The following BYSL variants were observed in gnomAD, a reference collection of about 807,000 sequenced individuals.
BYSL encodes bystin.
A neutral mutation model predicts 45.4 loss-of-function variants in BYSL; 21 were observed. The ratio of observed to expected loss-of-function variants is 0.46; its 90% CI spans 0.33 to 0.67. The LOEUF (loss-of-function observed/expected upper bound fraction) is 0.67, where lower values mean the gene tolerates loss of function less well. BYSL is among the 30% of genes least tolerant of loss of function. The pLI, the probability that BYSL is intolerant of heterozygous loss-of-function variation, is 0.02. For missense variants in BYSL, 522 were observed against 578.5 expected, an observed-to-expected ratio of 0.90 and a Z score of 1.00; for synonymous variants, 215 against 231.3, an observed-to-expected ratio of 0.93 and a Z score of 0.64.
At chr6:41,926,574 C>A (rs1424859361) in intron 1 of BYSL, among the ~76,000 whole-genome samples, 1 of 151,746 alleles carries the variant, frequency 6.6e-6, no homozygotes. Context: ...CCTCAGCCTT[C>A]CAAATAGCTG....
upstream of BYSL, chr6:41,916,934 GACAC>G (rs769230044): frequency 6.2e-7 from 1 of 1,613,938 alleles, no homozygotes; most frequent in Non-Finnish European, 8.5e-7. Context: ...AGGCATCTGG[GACAC>G]ACTGGAAAGG....
At chr6:41,929,379 T>G (rs1413829734) in intron 2 of BYSL, among the ~76,000 whole-genome samples, 2 of 152,146 alleles carry the variant, frequency 1.3e-5, no homozygotes, top group Non-Finnish European at 2.9e-5. Flanking sequence ...GTTCCTGTGG[T>G]CCCAGCTACT....
intron 1 of BYSL, 95 bp from the exon 2 acceptor site, chr6:41,927,277 CAT>C: frequency 7.0e-7 from 1 of 1,436,396 alleles, no homozygotes; most frequent in East Asian, 2.3e-5. Context: ...ATCACAACCA[CAT>C]GTGAGGCCTG....
At chr6:41,916,982 C>T (rs773328304), upstream of BYSL, 15 of 1,608,810 alleles carry the variant, frequency 9.3e-6, no homozygotes, top group African/African-American at 5.3e-5. Context: ...CAGAGACACA[C>T]GTGTGCTCAC....
chr6:41,909,476 T>A, the BYSL span: 2 of 1,614,270 alleles, frequency 1.2e-6, no homozygotes, highest in Non-Finnish European at 1.7e-6. Flanking sequence ...AACAGCTCAA[T>A]GGGTACTCTG....
intron 1 of BYSL, among the ~76,000 whole-genome samples, chr6:41,926,696 G>A (rs1048290727): frequency 2.6e-4 from 39 of 150,758 alleles, no homozygotes; most frequent in African/African-American, 5.9e-4. Context: ...TGATCTGCCC[G>A]CCTCGGCCTC....
chr6:41,923,236 G>A (rs936661697), intron 1 of BYSL, among the ~76,000 whole-genome samples: 10 of 151,824 alleles, frequency 6.6e-5, no homozygotes, highest in African/African-American at 2.4e-4. Flanking sequence ...CAATCTCCTG[G>A]GCTCCAGTCG....
chr6:41,916,715 C>A, upstream of BYSL: 1 of 1,570,830 alleles, frequency 6.4e-7, no homozygotes, highest in Admixed American at 1.8e-5. Context: ...AGCAGAAAGA[C>A]TTCAATTAAC....
intron 1 of BYSL, among the ~76,000 whole-genome samples, chr6:41,926,726 G>C (rs13191980): frequency 1.3e-5 from 2 of 150,756 alleles, no homozygotes; most frequent in Non-Finnish European, 3.0e-5. Flanking sequence ...TGGGATTACA[G>C]GCGTGAGCCA....
upstream of BYSL, chr6:41,921,086 A>G: frequency 6.3e-7 from 1 of 1,596,194 alleles, no homozygotes; most frequent in Admixed American, 1.7e-5. Flanking sequence ...GCCCACAGAA[A>G]CTCCTTCAGT....
rs769636909 is a variant in BYSL at position 41,921,584 on chromosome 6, C to T, written c.22C>T (p.Arg8Cys). The T allele has an allele frequency of 1.9e-6, 3 of 1,584,286 alleles. No homozygotes were observed. The highest frequency in any genetic ancestry group is 2.6e-6 in the Non-Finnish European group (3 of 1,163,722). Residue 8 changes from arginine (R) to cysteine (C), a missense_variant, in exon 1 of 7, where the codon CGT (arginine) becomes TGT (cysteine). By Grantham distance (180) the Arg-to-Cys change is radical. Coordinates refer to ENST00000230340, the MANE Select transcript of BYSL (RefSeq NM_004053.4). Reference sequence around the variant, plus strand: ...AAAAATGCCCAAATTCAAGGCGGCCCGTGGGGTGGGGGGTCAGGAAAAACA... The same window carrying T: ...AAAAATGCCCAAATTCAAGGCGGCCTGTGGGGTGGGGGGTCAGGAAAAACA... MPKFKAARGVGGQEKHAP... is the reference protein window; with the variant it reads MPKFKAACGVGGQEKHAP...
At chr6:41,920,491 C>T, upstream of BYSL, among the ~76,000 whole-genome samples, 1 of 152,204 alleles carries the variant, frequency 6.6e-6, no homozygotes, top group East Asian at 1.9e-4. Context: ...GTACTATGGC[C>T]TCACGGGAAG....
the BYSL span, among the ~76,000 whole-genome samples, chr6:41,916,321 T>C: frequency 2.0e-5 from 3 of 152,034 alleles, no homozygotes; most frequent in Admixed American, 2.0e-4. Flanking sequence ...GGCTCACGCC[T>C]GTAATCCCAG....
chr6:41,916,300 C>T, the BYSL span, among the ~76,000 whole-genome samples: 1 of 148,080 alleles, frequency 6.8e-6, no homozygotes, highest in African/African-American at 2.6e-5. Context: ...AATAAAGTGG[C>T]CGGGCACAGT....
At position 41,930,642 on chromosome 6, in the gene BYSL, C is replaced by A; in HGVS notation, c.578C>A (p.Ser193Tyr). The change falls in exon 4 of 7, where the codon TCT becomes TAT. Residue 193 changes from serine (S) to tyrosine (Y), a missense_variant. Ser to Tyr is a moderately radical substitution (Grantham distance 144, BLOSUM62 -2). Coordinates refer to ENST00000230340, the MANE Select transcript of BYSL (RefSeq NM_004053.4). ...EVYRGVREVL[S>Y]KYRSGKLPKA... ...TACCTCCCTCATCCCTAGGTATTAT[C>A]TAAGTACCGCAGTGGAAAACTGCCC... 6.2e-7 allele frequency: 1 copy of A among 1,610,116 alleles called. No individual in the cohort carries two copies. The highest frequency in any genetic ancestry group is 8.5e-7 in the Non-Finnish European group (1 of 1,178,678).
chr6:41,916,175 G>C, the BYSL span, among the ~76,000 whole-genome samples: 1 of 151,576 alleles, frequency 6.6e-6, no homozygotes. Flanking sequence ...TTGAGCCCAA[G>C]GGTCGAGGCT....
intron 3 of BYSL, 63 bp from the exon 4 acceptor site, chr6:41,930,572 C>T (rs1235173824): frequency 6.4e-7 from 1 of 1,554,152 alleles, no homozygotes; most frequent in South Asian, 1.2e-5. Context: ...AGACAAGTTC[C>T]TAGCCCACAG....
chr6:41,923,889 C>G (rs979628908), intron 1 of BYSL, among the ~76,000 whole-genome samples: 2 of 152,088 alleles, frequency 1.3e-5, no homozygotes, highest in Non-Finnish European at 2.9e-5. Flanking sequence ...GTGCCTTAAA[C>G]GTGGGAAATT....
At chr6:41,927,333 A>G (rs1238349660) in intron 1 of BYSL, 41 bp from the exon 2 acceptor site, 1 of 1,607,156 alleles carries the variant, frequency 6.2e-7, no homozygotes, top group Non-Finnish European at 8.5e-7. Context: ...TCCCTCAGCT[A>G]CCTTTTGCTG....
Sources: gnomAD v4.1 joint callset for allele counts (sites outside exome capture counted in the v4.1 genomes callset) on GRCh38, gnomAD v4.1.1 for gene constraint, MANE v1.5 for transcripts, NCBI Gene and HGNC (gene_info 2026-07-23, HGNC 2026-07-21) for gene names.